FMN2: variants seen among roughly 807,000 people sequenced by gnomAD.
FMN2 encodes formin 2.
A neutral mutation model predicts 142.3 loss-of-function variants in FMN2; 51 were observed. That is an observed-to-expected ratio of 0.36 (90% CI 0.29 to 0.45). The LOEUF is 0.45. Ranked by LOEUF, FMN2 falls within the 20% of genes least tolerant of loss-of-function variation. The probability of loss-of-function intolerance (pLI) is 1.00; values close to 1 mark genes in which losing one functional copy is unlikely to be tolerated. For synonymous variants in FMN2, 882 were observed against 869.8 expected, an observed-to-expected ratio of 1.01 and a Z score of -0.25; for missense variants, 1,936 against 2,122.8, an observed-to-expected ratio of 0.91 and a Z score of 1.73.
At chr1:240,224,046 G>C (rs577952583) in intron 6 of FMN2, among the ~76,000 whole-genome samples, 1 of 152,040 alleles carries the variant, frequency 6.6e-6, no homozygotes, top group African/African-American at 2.4e-5. Flanking sequence ...GTTGGCTCTT[G>C]CTTCTCTAGT....
intron 7 of FMN2, among the ~76,000 whole-genome samples, chr1:240,260,960 C>T (rs550054897): frequency 1.3e-5 from 2 of 152,302 alleles, no homozygotes; most frequent in South Asian, 4.1e-4. Context: ...CAGTTTCATT[C>T]TCCTACAGTG....
chr1:240,443,804 G>A (rs185076575), intron 16 of FMN2, among the ~76,000 whole-genome samples: 43 of 152,108 alleles, frequency 2.8e-4, no homozygotes, highest in African/African-American at 9.2e-4. Context: ...AAGATGGGAA[G>A]GGAGACTAAC....
chr1:240,325,747 C>T (rs930598695), intron 8 of FMN2, among the ~76,000 whole-genome samples: 1 of 152,120 alleles, frequency 6.6e-6, no homozygotes, highest in Admixed American at 6.5e-5. Context: ...ATGTTTTTTG[C>T]ACTGTTGTGC....
At chr1:240,213,734 A>G (rs1184915908) in intron 6 of FMN2, among the ~76,000 whole-genome samples, 1 of 152,180 alleles carries the variant, frequency 6.6e-6, no homozygotes, top group Non-Finnish European at 1.5e-5. Flanking sequence ...GGAAGCTGGA[A>G]GTTCTGTTTT....
chr1:240,287,593 CTG>C (rs908959986), intron 7 of FMN2, among the ~76,000 whole-genome samples: 1 of 152,156 alleles, frequency 6.6e-6, no homozygotes, highest in Non-Finnish European at 1.5e-5. Context: ...ACAACTGAAA[CTG>C]TCATTTTTCT....
intron 6 of FMN2, among the ~76,000 whole-genome samples, chr1:240,215,700 T>C (rs1045535443): frequency 1.3e-5 from 2 of 152,200 alleles, no homozygotes; most frequent in African/African-American, 2.4e-5. Flanking sequence ...TTACCATGTT[T>C]TAGCAGATTT....
intron 14 of FMN2, among the ~76,000 whole-genome samples, chr1:240,362,749 G>A (rs1290958580): frequency 6.6e-6 from 1 of 152,080 alleles, no homozygotes; most frequent in African/African-American, 2.4e-5. Flanking sequence ...TAAAACTTAA[G>A]CTCAACTGTT....
chr1:240,384,069 G>A (rs2103085681), intron 14 of FMN2, among the ~76,000 whole-genome samples: 1 of 152,092 alleles, frequency 6.6e-6, no homozygotes, highest in South Asian at 2.1e-4. Flanking sequence ...AATGCTACAT[G>A]TTCTCACTTT....
intron 4 of FMN2, among the ~76,000 whole-genome samples, chr1:240,196,730 C>G (rs1665925389): frequency 6.6e-6 from 1 of 152,112 alleles, no homozygotes; most frequent in Non-Finnish European, 1.5e-5. Flanking sequence ...CCAGGCTGGT[C>G]TCAAACTCCT....
chr1:240,109,231 G>A (rs1010729424), intron 1 of FMN2, among the ~76,000 whole-genome samples: 17 of 152,104 alleles, frequency 1.1e-4, no homozygotes, highest in African/African-American at 4.1e-4. Context: ...TCAAGTATTT[G>A]GGCCTTGATT....
At chr1:240,138,706 C>CA (rs111933602) in intron 2 of FMN2, among the ~76,000 whole-genome samples, 7,012 of 151,792 alleles carry the variant, frequency 0.046, 550 homozygotes, top group African/African-American at 0.16. Flanking sequence ...GACTCTGTCT[C>CA]AAAAAACAAA....
intron 1 of FMN2, among the ~76,000 whole-genome samples, chr1:240,111,277 C>T (rs1426946907): frequency 6.6e-6 from 1 of 152,104 alleles, no homozygotes; most frequent in African/African-American, 2.4e-5. Context: ...GGGTCCCAAT[C>T]CAGACCCTAA....
chr1:240,397,750 G>A (rs1230011460), intron 15 of FMN2, among the ~76,000 whole-genome samples: 5 of 128,122 alleles, frequency 3.9e-5, no homozygotes, highest in East Asian at 5.4e-4. Context: ...AGATCGCACT[G>A]CTGCACTCCA....
chr1:240,124,121 A>T (rs1027900906), intron 2 of FMN2, among the ~76,000 whole-genome samples: 1 of 152,234 alleles, frequency 6.6e-6, no homozygotes, highest in African/African-American at 2.4e-5. Context: ...TGCTGCTATG[A>T]ATATGGGTTC....
At chr1:240,441,035 G>A (rs1035624276) in intron 16 of FMN2, among the ~76,000 whole-genome samples, 15 of 135,676 alleles carry the variant, frequency 1.1e-4, no homozygotes, top group African/African-American at 3.6e-4. Flanking sequence ...TCACTCTGTC[G>A]CCACACTGGA....
At chr1:240,133,778 C>G (rs887407145) in intron 2 of FMN2, among the ~76,000 whole-genome samples, 2 of 152,214 alleles carry the variant, frequency 1.3e-5, no homozygotes, top group African/African-American at 4.8e-5. Context: ...TTAGCCATCT[C>G]AGTCTGCATT....
Position 240,355,860 on chromosome 1 carries a change from G to A in FMN2, c.4810G>A (p.Glu1604Lys). The A allele has an allele frequency of 1.3e-6, 2 of 1,560,836 alleles. No individual in the cohort carries two copies. Among genetic ancestry groups the A allele is most frequent in the Non-Finnish European group, 1.7e-6 (2 of 1,147,932 alleles). The change falls in exon 14 of 18, where the codon GAG becomes AAG. Residue 1604 changes from glutamate (E) to lysine (K), a missense_variant. This residue lies in a region of FMN2 where 322 missense variants were observed against 401.6 expected (regional missense o/e 0.80). Coordinates refer to ENST00000319653, the MANE Select transcript of FMN2 (RefSeq NM_020066.5). ...AGKVYQVSSK[E>K]HMQPFKENME... ...GAAAGTATACCAGGTCTCCTCAAAA[G>A]AGCATATGCAGCCTTTCAAGGAAAA... is the stretch of plus-strand genomic sequence containing the variant.
In FMN2 at chr1:240,123,322, C is replaced by G. The variant is rs1474903701; in HGVS notation, c.1759C>G (p.Gln587Glu). 3 of 1,613,912 alleles carry G rather than the reference C, an allele frequency of 1.9e-6. No individual in the cohort carries two copies. The highest frequency in any genetic ancestry group is 1.7e-5 in the Admixed American group (1 of 59,994). The change falls in exon 2 of 18, where the codon CAG (glutamine) becomes GAG (glutamate). Residue 587 changes from glutamine (Q) to glutamate (E), a missense_variant. This residue lies in a region of FMN2 where 478 missense variants were observed against 462.8 expected (regional missense o/e 1.03). Transcript: ENST00000319653. ...CFREPCNQNAQTNAASFDQDQ... is the reference protein window; with the variant it reads ...CFREPCNQNAETNAASFDQDQ... ...CAGGGAACCGTGTAATCAGAATGCCCAGACGAATGCAGCTTCGTTTGATGT... is the reference window on the plus strand; with the variant it reads ...CAGGGAACCGTGTAATCAGAATGCCGAGACGAATGCAGCTTCGTTTGATGT...
At chr1:240,381,134 G>C (rs1489695572) in intron 14 of FMN2, among the ~76,000 whole-genome samples, 2 of 152,084 alleles carry the variant, frequency 1.3e-5, no homozygotes, top group East Asian at 3.9e-4. Flanking sequence ...AATCAAGGAG[G>C]AGGTGTTCCT....
Sources: allele counts gnomAD v4.1 joint callset (sites outside exome capture counted in the v4.1 genomes callset), GRCh38; gene constraint gnomAD v4.1.1; regional missense constraint gnomAD v4.1.1; transcripts MANE v1.5; gene names NCBI Gene and HGNC (gene_info 2026-07-23, HGNC 2026-07-21).